The following MEGF11 variants were observed in gnomAD, a reference collection of about 807,000 sequenced individuals.
The protein encoded by MEGF11 is multiple EGF like domains 11.
A neutral mutation model predicts 146.6 loss-of-function variants in MEGF11; 126 were observed. That is an observed-to-expected ratio of 0.86 (90% CI 0.74 to 1.00). MEGF11 has a LOEUF of 1.00. Among genes scored for constraint, MEGF11 ranks in the 50% least tolerant of loss-of-function variants. The probability of loss-of-function intolerance (pLI) is 0.00; values close to 1 mark genes in which losing one functional copy is unlikely to be tolerated. For missense variants in MEGF11, 1,509 were observed against 1,521.2 expected (o/e 0.99, Z 0.13); for synonymous variants, 532 against 583.4 (o/e 0.91, Z 1.27).
intron 5 of MEGF11, among the ~76,000 whole-genome samples, chr15:66,030,594 G>C (rs2083481645): frequency 6.6e-6 from 1 of 152,130 alleles, no homozygotes; most frequent in Non-Finnish European, 1.5e-5. Flanking sequence ...ATTTTTAGTA[G>C]AGATGGGGTT....
At chr15:66,076,717 G>A (rs2085603498) in intron 5 of MEGF11, among the ~76,000 whole-genome samples, 1 of 152,192 alleles carries the variant, frequency 6.6e-6, no homozygotes, top group Non-Finnish European at 1.5e-5. Flanking sequence ...GGCAGAGGGA[G>A]GTCAGGCCAG....
intron 7 of MEGF11, 174 bp from the exon 8 acceptor site, chr15:65,970,863 G>C: frequency 1.5e-6 from 1 of 666,072 alleles, no homozygotes; most frequent in Non-Finnish European, 2.5e-6. Flanking sequence ...GGGAGACTGA[G>C]GCCAACTTGC....
intron 10 of MEGF11, among the ~76,000 whole-genome samples, chr15:65,946,055 A>G (rs954877816): frequency 3.3e-5 from 5 of 152,192 alleles, no homozygotes; most frequent in Non-Finnish European, 5.9e-5. Context: ...AAATAAGTTA[A>G]TATATGTAAT....
At chr15:66,202,825 G>C (rs1005344096) in intron 1 of MEGF11, among the ~76,000 whole-genome samples, 1 of 152,200 alleles carries the variant, frequency 6.6e-6, no homozygotes, top group Non-Finnish European at 1.5e-5. Context: ...GCGATGGTCT[G>C]GCCCATTTGG....
intron 5 of MEGF11, among the ~76,000 whole-genome samples, chr15:66,035,065 T>C (rs2083677480): frequency 6.6e-6 from 1 of 152,202 alleles, no homozygotes; most frequent in Non-Finnish European, 1.5e-5. Flanking sequence ...CTTTTCTTTA[T>C]TAATTACCCG....
intron 5 of MEGF11, among the ~76,000 whole-genome samples, chr15:66,008,411 G>GCGCGCA (rs1188469509): frequency 9.6e-5 from 5 of 52,058 alleles, no homozygotes; most frequent in African/African-American, 2.4e-4. Context: ...ACGCGCGCGC[G>GCGCGCA]CACACACACA....
intron 1 of MEGF11, among the ~76,000 whole-genome samples, chr15:66,156,269 T>C (rs2089755233): frequency 6.6e-6 from 1 of 152,166 alleles, no homozygotes; most frequent in South Asian, 2.1e-4. Flanking sequence ...TACCCCTGGC[T>C]GGTTCTGATA....
chr15:66,203,136 A>T (rs567272145), intron 1 of MEGF11, among the ~76,000 whole-genome samples: 6 of 151,838 alleles, frequency 4.0e-5, no homozygotes, highest in Non-Finnish European at 7.4e-5. Context: ...CCCTGTGCCC[A>T]CCCCAGCAAT....
At chr15:66,117,540 G>A (rs72744441) in intron 4 of MEGF11, among the ~76,000 whole-genome samples, 3,904 of 152,264 alleles carry the variant, frequency 0.026, 77 homozygotes, top group Middle Eastern at 0.061. Context: ...AAATGTGCTC[G>A]TCCATTCCTG....
intron 10 of MEGF11, among the ~76,000 whole-genome samples, chr15:65,954,258 C>T (rs977860295): frequency 6.6e-6 from 1 of 152,206 alleles, no homozygotes. Flanking sequence ...AACCAAGCAA[C>T]CAACAAAGGC....
At chr15:66,190,914 C>CT (rs1353787932) in intron 1 of MEGF11, among the ~76,000 whole-genome samples, 1 of 152,144 alleles carries the variant, frequency 6.6e-6, no homozygotes, top group East Asian at 1.9e-4. Context: ...AATAAATTAG[C>CT]TTATTTATCG....
At chr15:65,963,712 T>C (rs1036469380) in intron 9 of MEGF11, among the ~76,000 whole-genome samples, 1 of 152,226 alleles carries the variant, frequency 6.6e-6, no homozygotes, top group African/African-American at 2.4e-5. Context: ...CCAGCTCCAC[T>C]GGCTCTAGCA....
chr15:66,050,502 G>A (rs1315778222), intron 5 of MEGF11, among the ~76,000 whole-genome samples: 1 of 152,238 alleles, frequency 6.6e-6, no homozygotes, highest in Non-Finnish European at 1.5e-5. Context: ...GCAAGGGGCA[G>A]GAGGGAGGTC....
chr15:66,021,801 A>G (rs1369165920), intron 5 of MEGF11, among the ~76,000 whole-genome samples: 1 of 152,214 alleles, frequency 6.6e-6, no homozygotes, highest in Non-Finnish European at 1.5e-5. Flanking sequence ...AGCAGGGGGA[A>G]CACTGGCACT....
intron 5 of MEGF11, among the ~76,000 whole-genome samples, chr15:66,086,988 T>C (rs1198522207): frequency 6.6e-6 from 1 of 152,200 alleles, no homozygotes; most frequent in Non-Finnish European, 1.5e-5. Context: ...AGGCATTTCA[T>C]GCAACTGGAC....
chr15:66,067,071 A>C (rs2085159953), intron 5 of MEGF11, among the ~76,000 whole-genome samples: 1 of 152,168 alleles, frequency 6.6e-6, no homozygotes, highest in Non-Finnish European at 1.5e-5. Context: ...CCTAACTCAT[A>C]GGTTTGATAT....
intron 1 of MEGF11, among the ~76,000 whole-genome samples, chr15:66,144,599 T>C (rs528396062): frequency 1.3e-5 from 2 of 152,286 alleles, no homozygotes; most frequent in Admixed American, 1.3e-4. Flanking sequence ...GACATCACTC[T>C]AACAGGAATG....
intron 15 of MEGF11, among the ~76,000 whole-genome samples, chr15:65,921,489 T>C (rs2079169143): frequency 6.6e-6 from 1 of 152,202 alleles, no homozygotes; most frequent in African/African-American, 2.4e-5. Context: ...TTTCTTCCTT[T>C]TCCACCTTTC....
chr15:65,933,994 C>T lies in MEGF11; in HGVS notation c.1288-3051G>A, dbSNP rs192303326. On this transcript the variant is annotated intron_variant, in intron 10 of 25. Transcript: ENST00000395614. ...TATAGCATCTCTTAGGGAAAGAATA[C>T]CTTGTTTACCTTTTTATCACCTTCT... 1.5e-3 allele frequency among the ~76,000 whole-genome samples: 227 copies of T among 152,194 alleles called. 1 individual carries two copies. The highest frequency in any genetic ancestry group is 2.8e-3 in the Non-Finnish European group (191 of 68,006).
Sources: gnomAD v4.1 joint callset for allele counts (sites outside exome capture counted in the v4.1 genomes callset) on GRCh38, gnomAD v4.1.1 for gene constraint, MANE v1.5 for transcripts, NCBI Gene and HGNC (gene_info 2026-07-23, HGNC 2026-07-21) for gene names.